Variants in PTGFRN observed in about 807,000 individuals in gnomAD.
PTGFRN encodes the protein prostaglandin F2 receptor inhibitor.
PTGFRN carries 35 observed loss-of-function variants against 83.2 expected under a neutral mutation model. The ratio of observed to expected loss-of-function variants is 0.42; its 90% CI spans 0.32 to 0.56. The LOEUF is 0.56. Ranked by LOEUF, PTGFRN falls within the 20% of genes least tolerant of loss-of-function variation. The probability of loss-of-function intolerance (pLI) is 0.11; values close to 1 mark genes in which losing one functional copy is unlikely to be tolerated. For missense variants in PTGFRN, 1,051 were observed against 1,179.5 expected (o/e 0.89, Z 1.60); for synonymous variants, 519 against 498.6 (o/e 1.04, Z -0.55).
chr1:116,957,258 G>C (rs537564809), intron 4 of PTGFRN, among the ~76,000 whole-genome samples: 36 of 152,068 alleles, frequency 2.4e-4, no homozygotes, highest in Admixed American at 7.9e-4. Context: ...CGCCATGGAT[G>C]CTCAGTTAGA....
intron 7 of PTGFRN, among the ~76,000 whole-genome samples, chr1:116,983,280 C>T (rs1013166620): frequency 6.6e-6 from 1 of 152,054 alleles, no homozygotes; most frequent in Admixed American, 6.5e-5. Flanking sequence ...TAAGGCACAG[C>T]GGGGATCAGG....
intron 4 of PTGFRN, among the ~76,000 whole-genome samples, chr1:116,959,520 T>C (rs756990364): frequency 5.9e-5 from 9 of 152,230 alleles, no homozygotes; most frequent in Non-Finnish European, 1.0e-4. Flanking sequence ...TTCCTTGACC[T>C]CAGCAGTTTG....
chr1:116,981,745 G>A (rs1570681246), intron 7 of PTGFRN, among the ~76,000 whole-genome samples: 1 of 152,250 alleles, frequency 6.6e-6, no homozygotes, highest in African/African-American at 2.4e-5. Flanking sequence ...GAAAGAAGCC[G>A]TAGATAATAA....
At chr1:116,919,241 C>T (rs375272472) in intron 1 of PTGFRN, among the ~76,000 whole-genome samples, 4 of 151,990 alleles carry the variant, frequency 2.6e-5, no homozygotes, top group East Asian at 3.9e-4. Flanking sequence ...TAGCCCTAGG[C>T]GTTGTGGGGA....
At position 116,918,580 on chromosome 1, in the gene PTGFRN, A is replaced by T. The variant is rs952722449; in HGVS notation, c.49+8328A>T. Among the ~76,000 whole-genome samples the T allele has an allele frequency of 2.0e-5, 3 of 152,206 alleles. No individual in the cohort carries two copies. The highest frequency in any genetic ancestry group is 4.4e-5 in the Non-Finnish European group (3 of 68,034). ...GAAGCATGTCTGGAGGAGGTTTGGC[A>T]TACAAATTACTTGGTAGTCTGGGCT... On this transcript the variant is annotated intron_variant, in intron 1 of 8. Transcript: ENST00000393203. This position sits in a 1 kb window ranked among gnomAD's most constrained non-coding sequence, Gnocchi z 4.1.
chr1:116,964,759 C>G (rs1459000736), intron 5 of PTGFRN, among the ~76,000 whole-genome samples: 1 of 152,218 alleles, frequency 6.6e-6, no homozygotes, highest in Non-Finnish European at 1.5e-5. Context: ...GCTCTCTTCT[C>G]CCAGCTTTCT....
At chr1:116,943,421 C>T (rs897593595) in intron 2 of PTGFRN, among the ~76,000 whole-genome samples, 8 of 152,170 alleles carry the variant, frequency 5.3e-5, no homozygotes, top group Non-Finnish European at 1.2e-4. Flanking sequence ...TTCCCCCACC[C>T]GCACCCCACT....
chr1:116,957,797 C>T (rs1650539807), intron 4 of PTGFRN, among the ~76,000 whole-genome samples: 1 of 152,148 alleles, frequency 6.6e-6, no homozygotes, highest in Admixed American at 6.6e-5. Context: ...CTCTGGTAAT[C>T]ACCACTTTAC....
At chr1:116,974,905 G>A (rs926297084) in intron 7 of PTGFRN, among the ~76,000 whole-genome samples, 18 of 152,328 alleles carry the variant, frequency 1.2e-4, no homozygotes, top group East Asian at 1.9e-4. Context: ...CCCACCGAGC[G>A]TGAGCCGAAG....
In PTGFRN at chr1:116,949,530, G is replaced by A. The variant is rs774464084; in HGVS notation, c.1171G>A (p.Glu391Lys). Residue 391 changes from glutamate (E) to lysine (K), a missense_variant, in exon 4 of 9, where the codon GAG (glutamate) becomes AAG (lysine). Transcript: ENST00000393203. Reference sequence around the variant, plus strand: ...CAACAGGAGCTGGCACAAAGTGGCAGAGGCCGTGTCTTCCCCAGCTGGTGT... The same window carrying A: ...CAACAGGAGCTGGCACAAAGTGGCAAAGGCCGTGTCTTCCCCAGCTGGTGT... ...GHNRSWHKVA[E>K]AVSSPAGVGV... 3 of 1,614,024 alleles carry A rather than the reference G, an allele frequency of 1.9e-6. No individual in the cohort carries two copies. Among genetic ancestry groups the A allele is most frequent in the Non-Finnish European group, 2.5e-6 (3 of 1,180,020 alleles).
chr1:116,946,369 C>G (rs529667117), intron 3 of PTGFRN, among the ~76,000 whole-genome samples: 1 of 152,260 alleles, frequency 6.6e-6, no homozygotes, highest in South Asian at 2.1e-4. Flanking sequence ...CATTACTGGT[C>G]AGTCTGGGCT....
intron 1 of PTGFRN, among the ~76,000 whole-genome samples, chr1:116,928,621 C>T (rs894692251): frequency 3.3e-5 from 5 of 152,138 alleles, no homozygotes; most frequent in African/African-American, 1.2e-4. Context: ...AAAGTCCTGG[C>T]ATCTTTACCG....
At chr1:116,946,250 T>C (rs1557739314) in intron 3 of PTGFRN, among the ~76,000 whole-genome samples, 1 of 152,170 alleles carries the variant, frequency 6.6e-6, no homozygotes, top group Non-Finnish European at 1.5e-5. Flanking sequence ...CCTGAGCTCT[T>C]TACTCTGCAC....
At position 116,920,459 on chromosome 1, in the gene PTGFRN, G is replaced by T. The variant is rs531959345; in HGVS notation, c.49+10207G>T. ...CTCAGCCCTCACAAATGTGACTTGT[G>T]TCTTCTCCCTTCAGCCTAGGAAAGA... On this transcript the variant is annotated intron_variant, in intron 1 of 8. Coordinates refer to ENST00000393203, the MANE Select transcript of PTGFRN (RefSeq NM_020440.4). 1.0e-3 allele frequency among the ~76,000 whole-genome samples: 156 copies of T among 152,294 alleles called. 1 individual carries two copies. Among genetic ancestry groups the T allele is most frequent in the South Asian group, 8.9e-3 (43 of 4,830 alleles).
At chr1:116,917,447 C>T (rs1570642743) in intron 1 of PTGFRN, among the ~76,000 whole-genome samples, 1 of 151,950 alleles carries the variant, frequency 6.6e-6, no homozygotes, top group Admixed American at 6.5e-5. Flanking sequence ...GGTTGGGGTG[C>T]AAATAGAAGC....
intron 3 of PTGFRN, among the ~76,000 whole-genome samples, chr1:116,947,686 G>A (rs1410733781): frequency 1.3e-5 from 2 of 152,188 alleles, no homozygotes; most frequent in South Asian, 2.1e-4. Flanking sequence ...TCCAGTAGCT[G>A]AAGTCCTGGC....
chr1:116,976,514 C>T (rs1191152048), intron 7 of PTGFRN, among the ~76,000 whole-genome samples: 1 of 152,232 alleles, frequency 6.6e-6, no homozygotes, highest in Non-Finnish European at 1.5e-5. Context: ...ATCAGATTAA[C>T]AGCGGATCTC....
At chr1:116,939,175 C>T (rs1650000775) in intron 1 of PTGFRN, among the ~76,000 whole-genome samples, 3 of 152,312 alleles carry the variant, frequency 2.0e-5, no homozygotes, top group Middle Eastern at 6.8e-3. Context: ...GGATGGTGGC[C>T]TTCTTCTCAC....
At chr1:116,977,928 C>A (rs1258399417) in intron 7 of PTGFRN, among the ~76,000 whole-genome samples, 1 of 152,112 alleles carries the variant, frequency 6.6e-6, no homozygotes, top group Non-Finnish European at 1.5e-5. Context: ...ATCAATGAAT[C>A]CAGGAGCTGG....
Sources: allele counts gnomAD v4.1 joint callset (sites outside exome capture counted in the v4.1 genomes callset), GRCh38; gene constraint gnomAD v4.1.1; non-coding constraint Gnocchi (gnomAD v3.1); transcripts MANE v1.5; gene names NCBI Gene and HGNC (gene_info 2026-07-23, HGNC 2026-07-21).